TMEM117: variants seen among roughly 807,000 people sequenced by gnomAD.
TMEM117 encodes transmembrane protein 117.
In TMEM117, 27 loss-of-function variants were observed where a neutral mutation model predicts 52.4. That is an observed-to-expected ratio of 0.51 (90% CI 0.38 to 0.71). The LOEUF (loss-of-function observed/expected upper bound fraction) is 0.71, where lower values mean the gene tolerates loss of function less well. Among genes scored for constraint, TMEM117 ranks in the 30% least tolerant of loss-of-function variants. The pLI, the probability that TMEM117 is intolerant of heterozygous loss-of-function variation, is 0.00. For synonymous variants in TMEM117, 215 were observed against 206.3 expected (o/e 1.04, Z -0.36); for missense variants, 556 against 630.5 (o/e 0.88, Z 1.26).
Position 44,192,041 on chromosome 12 carries a change from G to A in TMEM117, c.511-19249G>A, listed in dbSNP as rs1422069954. Among the ~76,000 whole-genome samples the A allele has an allele frequency of 1.3e-5, 2 of 152,116 alleles. 1 individual carries two copies. Among genetic ancestry groups the A allele is most frequent in the Non-Finnish European group, 2.9e-5 (2 of 68,024 alleles). Reference sequence around the variant, plus strand: ...TTTAAGCATTAAATTTAATGTATAAGGGTAGGATTGGTACTAATCACACTT... The same window carrying A: ...TTTAAGCATTAAATTTAATGTATAAAGGTAGGATTGGTACTAATCACACTT... On this transcript the variant is annotated intron_variant, in intron 4 of 7. Coordinates refer to ENST00000266534, the MANE Select transcript of TMEM117 (RefSeq NM_032256.3).
intron 3 of TMEM117, among the ~76,000 whole-genome samples, chr12:43,982,127 A>G (rs1196449215): frequency 6.6e-6 from 1 of 152,216 alleles, no homozygotes; most frequent in Non-Finnish European, 1.5e-5. Flanking sequence ...CCCTGTAAAT[A>G]TGTAGAATTA....
At chr12:44,394,900 A>G in the TMEM117 span, among the ~76,000 whole-genome samples, 1 of 152,220 alleles carries the variant, frequency 6.6e-6, no homozygotes, top group Non-Finnish European at 1.5e-5. Flanking sequence ...AATCAGGGCA[A>G]CACTTCAGCC....
chr12:44,329,723 G>C (rs1951243247), intron 6 of TMEM117, among the ~76,000 whole-genome samples: 1 of 151,968 alleles, frequency 6.6e-6, no homozygotes, highest in African/African-American at 2.4e-5. Flanking sequence ...TTATAAATTT[G>C]ACTACTCTAT....
chr12:43,881,160 A>C lies in TMEM117; in HGVS notation c.277+36232A>C, dbSNP rs575898423. 3.9e-5 allele frequency among the ~76,000 whole-genome samples: 6 copies of C among 152,288 alleles called. No homozygotes were observed. In the East Asian group the frequency reaches 1.2e-3, roughly 29 times the overall value. On this transcript the variant is annotated intron_variant, in intron 2 of 7. Transcript: ENST00000266534. ...TCTATTATACATGCCTATATATTTT[A>C]TGTTTGGTGCTATCAGGAACATAGA...
rs17094541 is a variant in TMEM117 at position 44,365,126 on chromosome 12, A to G, written c.769-11469A>G. Among the ~76,000 whole-genome samples, 978 of 152,160 alleles carry G rather than the reference A, an allele frequency of 6.4e-3. 13 individuals carry two copies. The highest frequency in any genetic ancestry group is 0.022 in the African/African-American group (900 of 41,536). ...GCCAAATCTATGCATTGGCAGTAAAAATTCTAAGATGGCCATAAACCATCT... is the reference window on the plus strand; with the variant it reads ...GCCAAATCTATGCATTGGCAGTAAAGATTCTAAGATGGCCATAAACCATCT... On this transcript the variant is annotated intron_variant, in intron 6 of 7. Coordinates refer to ENST00000266534, the MANE Select transcript of TMEM117 (RefSeq NM_032256.3).
chr12:43,925,301 ATT>A (rs5797883), intron 2 of TMEM117, among the ~76,000 whole-genome samples: 17 of 148,476 alleles, frequency 1.1e-4, no homozygotes, highest in East Asian at 2.0e-4. Context: ...GCCAAAAAAA[ATT>A]TTTTTTTTTT....
rs1555180643 is a variant in TMEM117 at position 43,883,766 on chromosome 12, A to AAC, written c.277+38839_277+38840insCA. ...TTCTTTCTTTGTATGAAAGACAAAA[A>AAC]AAAAAACAAAAAACAAAAAAAAACC... is the stretch of plus-strand genomic sequence containing the variant. On this transcript the variant is annotated intron_variant, in intron 2 of 7. Coordinates refer to ENST00000266534, the MANE Select transcript of TMEM117 (RefSeq NM_032256.3). Among the ~76,000 whole-genome samples the AAC allele has an allele frequency of 6.5e-3, 978 of 151,608 alleles. 12 individuals carry two copies. The highest frequency in any genetic ancestry group is 0.022 in the African/African-American group (914 of 41,248).
At chr12:44,087,003 T>A (rs1263124347) in intron 3 of TMEM117, among the ~76,000 whole-genome samples, 1 of 147,714 alleles carries the variant, frequency 6.8e-6, no homozygotes, top group Non-Finnish European at 1.5e-5. Context: ...AATTATAAAT[T>A]ATGTATTATA....
At chr12:43,983,185 C>T (rs945355048) in intron 3 of TMEM117, among the ~76,000 whole-genome samples, 5 of 152,108 alleles carry the variant, frequency 3.3e-5, no homozygotes, top group African/African-American at 9.7e-5. Flanking sequence ...TGGCTGTTTG[C>T]AGGACTACAA....
intron 5 of TMEM117, among the ~76,000 whole-genome samples, chr12:44,224,708 T>A (rs1447440674): frequency 6.6e-6 from 1 of 152,210 alleles, no homozygotes; most frequent in East Asian, 1.9e-4. Flanking sequence ...GCTTGATCTG[T>A]AAAGCAGGTT....
chr12:43,819,927 G>C, the TMEM117 span, among the ~76,000 whole-genome samples: 1 of 152,070 alleles, frequency 6.6e-6, no homozygotes, highest in Admixed American at 6.5e-5. Context: ...TTATTTTGTG[G>C]TTCTCTTCTA....
chr12:44,243,566 C>T (rs1270334575), intron 5 of TMEM117, among the ~76,000 whole-genome samples: 2 of 151,822 alleles, frequency 1.3e-5, no homozygotes, highest in African/African-American at 2.4e-5. Flanking sequence ...ACACGTATAT[C>T]ATAGAATCAT....
intron 6 of TMEM117, among the ~76,000 whole-genome samples, chr12:44,375,180 C>G (rs982795567): frequency 3.3e-5 from 5 of 152,134 alleles, no homozygotes; most frequent in African/African-American, 1.2e-4. Context: ...TTTAATGCAT[C>G]TTAAGTCATA....
intron 3 of TMEM117, among the ~76,000 whole-genome samples, chr12:44,116,728 G>A (rs1013236293): frequency 6.6e-6 from 1 of 152,186 alleles, no homozygotes; most frequent in African/African-American, 2.4e-5. Flanking sequence ...GTCACCAGTT[G>A]CTGAAGCAGA....
the TMEM117 span, among the ~76,000 whole-genome samples, chr12:43,830,568 C>T: frequency 2.6e-5 from 4 of 150,978 alleles, no homozygotes; most frequent in Admixed American, 6.6e-5. Flanking sequence ...CGAGATCATG[C>T]CACTGCACTC....
intron 3 of TMEM117, among the ~76,000 whole-genome samples, chr12:43,955,079 C>A (rs1014298867): frequency 1.3e-5 from 2 of 152,150 alleles, no homozygotes; most frequent in African/African-American, 4.8e-5. Context: ...TGATAAAATT[C>A]AACACCGCTT....
At chr12:44,048,079 T>C (rs2137916450) in intron 3 of TMEM117, among the ~76,000 whole-genome samples, 1 of 152,284 alleles carries the variant, frequency 6.6e-6, no homozygotes, top group East Asian at 1.9e-4. Flanking sequence ...ATTATTGAAA[T>C]TTTTTGTTTA....
intron 6 of TMEM117, among the ~76,000 whole-genome samples, chr12:44,321,503 C>G (rs1382321808): frequency 6.6e-6 from 1 of 152,210 alleles, no homozygotes; most frequent in South Asian, 2.1e-4. Context: ...TGTTGTCTTT[C>G]CTAATCCCTA....
chr12:43,914,685 C>T (rs1944571268), intron 2 of TMEM117, among the ~76,000 whole-genome samples: 1 of 152,120 alleles, frequency 6.6e-6, no homozygotes, highest in African/African-American at 2.4e-5. Context: ...CGTGCCTGCT[C>T]TTTATTCTCC....
Sources: gnomAD v4.1 joint callset for allele counts (sites outside exome capture counted in the v4.1 genomes callset) on GRCh38, gnomAD v4.1.1 for gene constraint, MANE v1.5 for transcripts, NCBI Gene and HGNC (gene_info 2026-07-23, HGNC 2026-07-21) for gene names.